CDC42BPA: variants seen among roughly 807,000 people sequenced by gnomAD.
The protein encoded by CDC42BPA is serine/threonine-protein kinase MRCK alpha.
Under a neutral mutation model 223.5 loss-of-function variants are expected in CDC42BPA, and 80 were observed. That is an observed-to-expected ratio of 0.36 (90% CI 0.30 to 0.43). The LOEUF is 0.43. Ranked by LOEUF, CDC42BPA falls within the 20% of genes least tolerant of loss-of-function variation. CDC42BPA has a pLI of 1.00. For synonymous variants in CDC42BPA, 694 were observed against 718.6 expected (o/e 0.97, Z 0.55); for missense variants, 1,743 against 2,099.9 (o/e 0.83, Z 3.32).
intron 1 of CDC42BPA, among the ~76,000 whole-genome samples, chr1:227,299,618 CTAAAA>C (rs1479955489): frequency 7.2e-5 from 11 of 152,090 alleles, no homozygotes; most frequent in Non-Finnish European, 1.6e-4. Flanking sequence ...AATTTAGAAA[CTAAAA>C]TGATTACAGA....
At chr1:227,051,524 C>T (rs1673524844) in intron 22 of CDC42BPA, among the ~76,000 whole-genome samples, 1 of 152,122 alleles carries the variant, frequency 6.6e-6, no homozygotes, top group Admixed American at 6.6e-5. Flanking sequence ...TATATCATGA[C>T]CTATTACATT....
At chr1:227,086,487 C>G (rs1293219237) in intron 16 of CDC42BPA, among the ~76,000 whole-genome samples, 1 of 152,072 alleles carries the variant, frequency 6.6e-6, no homozygotes. Flanking sequence ...ATAGTTGATA[C>G]GGTCACGCCA....
intron 27 of CDC42BPA, among the ~76,000 whole-genome samples, chr1:227,032,561 G>T (rs1669479398): frequency 6.6e-6 from 1 of 152,124 alleles, no homozygotes; most frequent in Non-Finnish European, 1.5e-5. Context: ...TCAAGAGGTG[G>T]AGTCTATTTC....
chr1:227,049,963 A>T (rs1475046007), intron 22 of CDC42BPA, among the ~76,000 whole-genome samples: 1 of 152,072 alleles, frequency 6.6e-6, no homozygotes, highest in African/African-American at 2.4e-5. Context: ...GAACTGTTTT[A>T]AAAAGACATA....
intron 23 of CDC42BPA, among the ~76,000 whole-genome samples, chr1:227,042,397 G>A (rs1298869532): frequency 2.6e-5 from 4 of 151,848 alleles, no homozygotes; most frequent in Non-Finnish European, 5.9e-5. Flanking sequence ...TAACAACCCA[G>A]TGTTTTGGCT....
At chr1:227,048,218 T>C (rs1672850374) in intron 22 of CDC42BPA, among the ~76,000 whole-genome samples, 1 of 152,078 alleles carries the variant, frequency 6.6e-6, no homozygotes, top group African/African-American at 2.4e-5. Context: ...GAATGAAATA[T>C]TTGTTCAATT....
chr1:227,039,477 T>G (rs1281214195), intron 24 of CDC42BPA, among the ~76,000 whole-genome samples: 3 of 152,178 alleles, frequency 2.0e-5, no homozygotes, highest in Non-Finnish European at 4.4e-5. Context: ...TATGTTCCAT[T>G]ATAATTTAAA....
intron 23 of CDC42BPA, among the ~76,000 whole-genome samples, chr1:227,046,360 G>C (rs1335903004): frequency 1.3e-5 from 2 of 152,000 alleles, no homozygotes; most frequent in East Asian, 3.9e-4. Flanking sequence ...AAGCAGAGTG[G>C]GGAGGAGGAG....
At chr1:227,237,046 A>C (rs993182547) in intron 2 of CDC42BPA, among the ~76,000 whole-genome samples, 3 of 31,834 alleles carry the variant, frequency 9.4e-5, no homozygotes, top group Non-Finnish European at 2.2e-4. Context: ...CGGTCTCCAC[A>C]AAAAAAAAAA....
At chr1:227,208,658 A>G (rs986302074) in intron 3 of CDC42BPA, among the ~76,000 whole-genome samples, 1 of 148,880 alleles carries the variant, frequency 6.7e-6, no homozygotes, top group African/African-American at 2.5e-5. Context: ...CAAAGATCAG[A>G]TAGTTGTAGA....
chr1:227,309,203 C>CAAAAAAAAAAAA (rs35336462), intron 1 of CDC42BPA, among the ~76,000 whole-genome samples: 1 of 130,044 alleles, frequency 7.7e-6, no homozygotes. Context: ...CTATCTCTAC[C>CAAAAAAAAAAAA]AAAAAAAAAA....
At chr1:227,149,507 T>C (rs999283534) in intron 6 of CDC42BPA, among the ~76,000 whole-genome samples, 4 of 151,994 alleles carry the variant, frequency 2.6e-5, no homozygotes, top group Admixed American at 2.6e-4. Flanking sequence ...AACAGAACAA[T>C]AGATCCCTAA....
chr1:227,306,210 G>A (rs10495255), intron 1 of CDC42BPA, among the ~76,000 whole-genome samples: 30,389 of 149,000 alleles, frequency 0.2, 3,134 homozygotes, highest in East Asian at 0.26. Context: ...TTTCAAGTTA[G>A]AGGTACATGT....
intron 1 of CDC42BPA, among the ~76,000 whole-genome samples, chr1:227,315,190 T>C (rs1358516455): frequency 6.6e-6 from 1 of 152,022 alleles, no homozygotes; most frequent in Non-Finnish European, 1.5e-5. Context: ...CTAATAAAAA[T>C]AATACTCAGC....
chr1:227,023,320 A>G lies in CDC42BPA; in HGVS notation c.4558T>C (p.Leu1520=). 6.5e-7 allele frequency: 1 copy of G among 1,548,220 alleles called. No individual in the cohort carries two copies. Among genetic ancestry groups the G allele is most frequent in the Non-Finnish European group, 8.9e-7 (1 of 1,129,528 alleles). Residue 1520 remains leucine, a synonymous_variant, in exon 32 of 37, where the codon TTA becomes CTA. Transcript: ENST00000366766. ...KVRPLNNEGS[L]NLLGLETIRL... ...ATGGTCTCCAACCCTAAAAGATTTA[A>G]TGATCCTTCATTGTTTAAGGGTCGA...
chr1:227,237,052 A>AG (rs1679182055), intron 2 of CDC42BPA, among the ~76,000 whole-genome samples: 1 of 151,264 alleles, frequency 6.6e-6, no homozygotes, highest in African/African-American at 2.4e-5. Flanking sequence ...CCACAAAAAA[A>AG]AAAAAAAAAA....
chr1:227,236,012 G>A (rs1476675427), intron 2 of CDC42BPA, among the ~76,000 whole-genome samples: 1 of 152,162 alleles, frequency 6.6e-6, no homozygotes, highest in Admixed American at 6.5e-5. Context: ...AATCAGCTGA[G>A]TCTTCCTGTG....
chr1:227,026,374 T>C (rs984626725), intron 30 of CDC42BPA, among the ~76,000 whole-genome samples: 29 of 152,232 alleles, frequency 1.9e-4, no homozygotes, highest in Admixed American at 1.7e-3. Context: ...CGTTATAATA[T>C]AGACGGATTC....
chr1:227,010,405 C>T (rs1664945223), intron 34 of CDC42BPA, among the ~76,000 whole-genome samples: 1 of 151,936 alleles, frequency 6.6e-6, no homozygotes, highest in Admixed American at 6.6e-5. Flanking sequence ...TTAAGCTTTT[C>T]AAAAAGGGGT....
Sources: allele counts gnomAD v4.1 joint callset (sites outside exome capture counted in the v4.1 genomes callset), GRCh38; gene constraint gnomAD v4.1.1; transcripts MANE v1.5; gene names NCBI Gene and HGNC (gene_info 2026-07-23, HGNC 2026-07-21).